MANBA: variants seen among roughly 807,000 people sequenced by gnomAD.
The protein encoded by MANBA is beta-mannosidase.
MANBA carries 83 observed loss-of-function variants against 111.1 expected under a neutral mutation model. The observed-to-expected ratio is 0.75, with a 90% confidence interval of 0.63 to 0.90. MANBA has a LOEUF of 0.90. Ranked by LOEUF, MANBA falls within the 40% of genes least tolerant of loss-of-function variation. The pLI is 0.00. For synonymous variants in MANBA, 370 were observed against 378.7 expected, an observed-to-expected ratio of 0.98 and a Z score of 0.27; for missense variants, 1,036 against 1,069.0, an observed-to-expected ratio of 0.97 and a Z score of 0.43.
At chr4:102,738,492 A>G (rs1454611058) in intron 1 of MANBA, among the ~76,000 whole-genome samples, 1 of 152,176 alleles carries the variant, frequency 6.6e-6, no homozygotes, top group Non-Finnish European at 1.5e-5. Flanking sequence ...CTAGACTCAC[A>G]AGGGCAATAA....
rs536788497 is a variant in MANBA, at chr4:102,685,777, A to AC, written c.960+3796dup. Reference sequence around the variant, plus strand: ...TATATATAATACAAAGAATCCAGAGACCCCCCCATTCAAGTTTTCATCAGT... The same window carrying AC: ...TATATATAATACAAAGAATCCAGAGACCCCCCCCATTCAAGTTTTCATCAGT... On this transcript the variant is annotated intron_variant, in intron 7 of 16. Transcript: ENST00000647097. 9.9e-5 allele frequency among the ~76,000 whole-genome samples: 15 copies of AC among 152,100 alleles called. No homozygotes were observed. In the South Asian group the frequency reaches 1.2e-3, roughly 13 times the overall value.
chr4:102,641,260 G>A (rs1005754829), intron 13 of MANBA, among the ~76,000 whole-genome samples: 21 of 152,174 alleles, frequency 1.4e-4, no homozygotes, highest in African/African-American at 5.1e-4. Context: ...AGGCCAAGAA[G>A]GCCTGAGCAC....
chr4:102,728,838 G>C, intron 1 of MANBA: 1 of 904,350 alleles, frequency 1.1e-6, no homozygotes, highest in Non-Finnish European at 1.8e-6. Flanking sequence ...GTGCTGGTGC[G>C]GCTGAAGGAG....
chr4:102,634,905 C>T lies in MANBA; in HGVS notation c.2298G>A (p.Arg766=). Residue 766 remains arginine (R), a synonymous_variant, in exon 16 of 17, where the codon CGG becomes CGA. Coordinates refer to ENST00000647097, the MANE Select transcript of MANBA (RefSeq NM_005908.4). ...GGTAAAAGGAAACCACACAGCTTTCCCGTGTGCAATTCCCACATCTCCTCA... is the reference window on the plus strand; with the variant it reads ...GGTAAAAGGAAACCACACAGCTTTCTCGTGTGCAATTCCCACATCTCCTCA... The part of the protein sequence containing the change: ...ELLRRCGNCT[R]ESCVVSFYLS... 1.9e-6 allele frequency: 3 copies of T among 1,614,228 alleles called. No homozygotes were observed. The South Asian group carries it at 3.3e-5, about 18-fold the overall frequency.
intron 7 of MANBA, among the ~76,000 whole-genome samples, chr4:102,687,031 C>G (rs1732247598): frequency 6.6e-6 from 1 of 152,092 alleles, no homozygotes; most frequent in African/African-American, 2.4e-5. Flanking sequence ...TAATTTCCAC[C>G]CAACCCCTTC....
intron 13 of MANBA, among the ~76,000 whole-genome samples, chr4:102,649,711 G>A (rs1730247935): frequency 6.6e-6 from 1 of 151,892 alleles, no homozygotes; most frequent in African/African-American, 2.4e-5. Flanking sequence ...TCTTAATGGT[G>A]TTTTTTATAC....
At chr4:102,683,619 C>T (rs1256064721) in intron 7 of MANBA, among the ~76,000 whole-genome samples, 1 of 152,114 alleles carries the variant, frequency 6.6e-6, no homozygotes, top group Non-Finnish European at 1.5e-5. Flanking sequence ...ATGGCAAAAA[C>T]TGATTGGTCA....
At chr4:102,662,551 CAA>C (rs35519059) in intron 11 of MANBA, 1,320 of 85,130 alleles carry the variant, frequency 0.016, 11 homozygotes, top group African/African-American at 0.052. Context: ...GACTCCATCT[CAA>C]AAAAAAAAAA....
chr4:102,673,825 G>A (rs544053590), intron 8 of MANBA, 94 bp downstream of exon 8: 64 of 1,182,688 alleles, frequency 5.4e-5, no homozygotes, highest in Non-Finnish European at 7.4e-5. Flanking sequence ...TTAGTTCCTT[G>A]CCCAGAGACT....
chr4:102,637,367 G>T (rs1417363681), intron 14 of MANBA, among the ~76,000 whole-genome samples: 1 of 152,132 alleles, frequency 6.6e-6, no homozygotes, highest in South Asian at 2.1e-4. Context: ...TCTCTAATCC[G>T]ATTGTGGGTC....
At chr4:102,680,600 C>T (rs1396395090) in intron 7 of MANBA, among the ~76,000 whole-genome samples, 2 of 151,198 alleles carry the variant, frequency 1.3e-5, no homozygotes, top group Non-Finnish European at 3.0e-5. Flanking sequence ...AAAAATCACA[C>T]AGGAAAAAAA....
chr4:102,701,277 G>C (rs1733026659), intron 5 of MANBA, among the ~76,000 whole-genome samples: 1 of 151,872 alleles, frequency 6.6e-6, no homozygotes, highest in African/African-American at 2.4e-5. Flanking sequence ...TGGGTTTCCT[G>C]AATACAGCAC....
chr4:102,728,766 A>C, intron 1 of MANBA: 2 of 899,304 alleles, frequency 2.2e-6, no homozygotes, highest in South Asian at 3.0e-5. Context: ...AGGACGTCAG[A>C]GGACTAGGAC....
At chr4:102,750,310 GT>G (rs551969460) in intron 1 of MANBA, among the ~76,000 whole-genome samples, 260 of 147,002 alleles carry the variant, frequency 1.8e-3, no homozygotes, top group South Asian at 6.9e-3. Context: ...TATTTCCTTA[GT>G]TTTTTTTTTA....
Position 102,664,800 on chromosome 4 carries a change from T to C in MANBA, c.1370A>G (p.Glu457Gly), listed in dbSNP as rs1320661210. 1 of 1,610,242 alleles carries C rather than the reference T, an allele frequency of 6.2e-7. No individual in the cohort carries two copies. Among genetic ancestry groups the C allele is most frequent in the Non-Finnish European group, 8.5e-7 (1 of 1,176,528 alleles). ...PSIIIWSGNNENEEALMMNWY... is the reference protein window; with the variant it reads ...PSIIIWSGNNGNEEALMMNWY... ...ATTCATCATCAGCGCCTCCTCATTT[T>C]CATTATTGCCACTCCATATGATGAT... Residue 457 changes from glutamate to glycine, a missense_variant, in exon 11 of 17, where the codon GAA (glutamate) becomes GGA (glycine). Coordinates refer to ENST00000647097, the MANE Select transcript of MANBA (RefSeq NM_005908.4).
At chr4:102,734,397 G>C in intron 1 of MANBA, 1 of 1,610,478 alleles carries the variant, frequency 6.2e-7, no homozygotes, top group Non-Finnish European at 8.5e-7. Context: ...GGAGGTGCCT[G>C]AGCCCACTTT....
At chr4:102,755,104 G>A (rs1404721858) in intron 1 of MANBA, among the ~76,000 whole-genome samples, 1 of 152,090 alleles carries the variant, frequency 6.6e-6, no homozygotes, top group Non-Finnish European at 1.5e-5. Context: ...TTTCTTCACA[G>A]AATTGGAAAA....
At chr4:102,715,225 C>T (rs1036496471) in intron 4 of MANBA, among the ~76,000 whole-genome samples, 1 of 152,168 alleles carries the variant, frequency 6.6e-6, no homozygotes, top group Non-Finnish European at 1.5e-5. Flanking sequence ...AAGAGGGAAG[C>T]CAGCCTCTGT....
At chr4:102,661,440 G>T (rs1209322018) in intron 11 of MANBA, among the ~76,000 whole-genome samples, 1 of 152,140 alleles carries the variant, frequency 6.6e-6, no homozygotes, top group Non-Finnish European at 1.5e-5. Context: ...TTTGCTCTTG[G>T]CAATAAGTAC....
Sources: allele counts gnomAD v4.1 joint callset (sites outside exome capture counted in the v4.1 genomes callset), GRCh38; gene constraint gnomAD v4.1.1; transcripts MANE v1.5; gene names NCBI Gene and HGNC (gene_info 2026-07-23, HGNC 2026-07-21).